Variants in SH3TC1 observed in about 807,000 individuals in gnomAD.
SH3TC1 encodes SH3 domain and tetratricopeptide repeat-containing protein 1.
Under a neutral mutation model 117.3 loss-of-function variants are expected in SH3TC1, and 135 were observed. That is an observed-to-expected ratio of 1.15 (90% CI 1.00 to 1.33). The LOEUF is 1.33. Among genes scored for constraint, SH3TC1 ranks in the 40% most tolerant of loss-of-function variants. The pLI, the probability that SH3TC1 is intolerant of heterozygous loss-of-function variation, is 0.00. For synonymous variants in SH3TC1, 898 were observed against 816.9 expected (o/e 1.10, Z -1.69); for missense variants, 2,092 against 1,794.3 (o/e 1.17, Z -3.00).
At chr4:8,218,115 CATGT>C (rs1330915030) in intron 7 of SH3TC1, 152 bp from the exon 8 acceptor site, 286 of 483,048 alleles carry the variant, frequency 5.9e-4, no homozygotes, top group South Asian at 9.9e-4. Flanking sequence ...CCTGGGCAGG[CATGT>C]GTGTGTGTGT....
chr4:8,187,800 T>C (rs562152914), intron 1 of SH3TC1, among the ~76,000 whole-genome samples: 4 of 152,142 alleles, frequency 2.6e-5, no homozygotes, highest in South Asian at 4.1e-4. Context: ...TCCACTTGTC[T>C]CCGCCTCCCA....
In SH3TC1 at chr4:8,236,411, C is replaced by G; in HGVS notation, c.3539C>G (p.Ala1180Gly). ...TTGGAGTTTGCCCACATGGCCCTAG[C>G]ACTCAGCATCACCCTGGGTAAGCCC... The part of the protein sequence containing the change: ...EGLEFAHMAL[A>G]LSITLGDRLN... The change falls in exon 16 of 18, where the codon GCA becomes GGA. Residue 1180 changes from alanine (A) to glycine (G), a missense_variant. Coordinates refer to ENST00000245105, the MANE Select transcript of SH3TC1 (RefSeq NM_018986.5). 1.3e-6 allele frequency: 2 copies of G among 1,500,650 alleles called. No individual in the cohort carries two copies. Among genetic ancestry groups the G allele is most frequent in the South Asian group, 2.6e-5 (2 of 77,726 alleles). 93.0% of individuals were successfully genotyped at this position (1,500,650 alleles called of 1,614,324 possible).
At position 8,186,282 on chromosome 4, in the gene SH3TC1, A is replaced by G. The variant is rs1717220833; in HGVS notation, c.-57+4072A>G. On this transcript the variant is annotated intron_variant, in intron 1 of 16. Transcript: ENST00000508641. The surrounding 1 kb of genome is among the most constrained non-coding windows in gnomAD (Gnocchi z 5.2). ...TCAGACAAACCCCAGTGCAAGCACA[A>G]TCACAAAGATACCTGCCAGTTCTCC... is the stretch of plus-strand genomic sequence containing the variant. 6.6e-6 allele frequency among the ~76,000 whole-genome samples: 1 copy of G among 152,238 alleles called. No individual in the cohort carries two copies. The highest frequency in any genetic ancestry group is 2.4e-5 in the African/African-American group (1 of 41,462).
In SH3TC1 at chr4:8,222,963, C is replaced by T. The variant is rs144259919; in HGVS notation, c.1236C>T (p.Tyr412=). The T allele has an allele frequency of 2.3e-4, 370 of 1,611,770 alleles. 1 individual carries two copies. The Middle Eastern group carries it at 4.8e-3, about 21-fold the overall frequency. The part of the protein sequence containing the change: ...RMSGTDVCSV[Y]SLDSVEEAET... ...CGGGCACCGATGTCTGCAGCGTGTACAGCCTGGGTGCGTGTGGGCGATGCC... is the reference window on the plus strand; with the variant it reads ...CGGGCACCGATGTCTGCAGCGTGTATAGCCTGGGTGCGTGTGGGCGATGCC... The change falls in exon 10 of 18, where the codon TAC becomes TAT. Residue 412 remains tyrosine (Y), a synonymous_variant. Transcript: ENST00000245105.
In SH3TC1 at chr4:8,227,750, C is replaced by A; in HGVS notation, c.2056C>A (p.Pro686Thr). ...VHLKQPEEAL[P>T]FLERLLLLHR... ...CCTCAAGCAGCCCGAGGAGGCCCTG[C>A]CCTTCCTAGAGCGGCTGCTGCTTTT... The change falls in exon 12 of 18, where the codon CCC becomes ACC. Residue 686 changes from proline to threonine, a missense_variant. Transcript: ENST00000245105. 1.9e-6 allele frequency: 3 copies of A among 1,609,966 alleles called. No homozygotes were observed. The highest frequency in any genetic ancestry group is 2.5e-6 in the Non-Finnish European group (3 of 1,178,180).
intron 14 of SH3TC1, 128 bp downstream of exon 14, chr4:8,233,641 T>C (rs935127351): frequency 2.6e-6 from 3 of 1,158,164 alleles, no homozygotes; most frequent in East Asian, 5.9e-5. Flanking sequence ...CTTCCTTCCA[T>C]CCATCCATCC....
chr4:8,216,890 G>C (rs1377716403), intron 6 of SH3TC1, 67 bp from the exon 7 acceptor site: 6 of 1,530,938 alleles, frequency 3.9e-6, no homozygotes, highest in East Asian at 4.5e-5. Context: ...CGGCAGGGGT[G>C]TGGGGGGCAG....
At chr4:8,223,054 T>A (rs541379337) in intron 10 of SH3TC1, 84 bp downstream of exon 10, 2 of 1,515,748 alleles carry the variant, frequency 1.3e-6, no homozygotes. Context: ...CATCCACAGA[T>A]AGTGCCAGCC....
In SH3TC1 at chr4:8,209,557, T is replaced by C; in HGVS notation, c.173-191T>C. ...TGTGGGGCAGCTTGTCACAGCATGC[T>C]GGGAAGTGCAGGCAGCTTCCCTCCT... On this transcript the variant is annotated intron_variant, in intron 2 of 17. Coordinates refer to ENST00000245105, the MANE Select transcript of SH3TC1 (RefSeq NM_018986.5). This position sits in a 1 kb window ranked among gnomAD's most constrained non-coding sequence, Gnocchi z 5.9. The C allele has an allele frequency of 7.6e-7, 1 of 1,314,794 alleles. No homozygotes were observed. The highest frequency in any genetic ancestry group is 1.1e-6 in the Non-Finnish European group (1 of 951,228). 81.4% of individuals were successfully genotyped at this position (1,314,794 alleles called of 1,614,324 possible). A position where few individuals can be genotyped will look rare whatever the true frequency, so the allele number is the denominator to read the frequency against.
intron 1 of SH3TC1, among the ~76,000 whole-genome samples, chr4:8,193,293 G>A (rs1717470964): frequency 6.6e-6 from 1 of 152,122 alleles, no homozygotes. Flanking sequence ...CCTGGCCTCC[G>A]CATTCCTGAG....
intron 1 of SH3TC1, among the ~76,000 whole-genome samples, chr4:8,188,476 A>C (rs1414524737): frequency 1.3e-5 from 2 of 152,200 alleles, no homozygotes; most frequent in African/African-American, 2.4e-5. Flanking sequence ...CAGGGCCGTA[A>C]AGCAGCTCCC....
chr4:8,223,594 G>C (rs1390147703), intron 10 of SH3TC1, among the ~76,000 whole-genome samples: 1 of 152,134 alleles, frequency 6.6e-6, no homozygotes, highest in Non-Finnish European at 1.5e-5. Flanking sequence ...GCTATCTGCT[G>C]GGTGTAGATA....
rs1720358203 is a variant in SH3TC1 at position 8,225,299 on chromosome 4, A to T, written c.1285+83A>T. 2 of 1,483,380 alleles carry T rather than the reference A, an allele frequency of 1.3e-6. No individual in the cohort carries two copies. The highest frequency in any genetic ancestry group is 1.9e-5 in the Admixed American group (1 of 51,862). 91.9% of individuals were successfully genotyped at this position (1,483,380 alleles called of 1,614,324 possible). A position where few individuals can be genotyped will look rare whatever the true frequency, so the allele number is the denominator to read the frequency against. On this transcript the variant is annotated intron_variant, in intron 11 of 17. Transcript: ENST00000245105. The surrounding 1 kb of genome is among the most constrained non-coding windows in gnomAD (Gnocchi z 5.5). ...GCTGGGGGAGGTGACAAAGCTGAGC[A>T]CGGTGGGCATTGGGTGCGGCTGTCA...
intron 17 of SH3TC1, among the ~76,000 whole-genome samples, chr4:8,239,380 G>GGCACAGGCCCCATGTAC (rs1560120723): frequency 6.9e-6 from 1 of 144,776 alleles, no homozygotes; most frequent in Admixed American, 6.9e-5. Flanking sequence ...CGCACACACA[G>GGCACAGGCCCCATGTAC]GCACAGGCCC....
chr4:8,237,393 G>A, intron 16 of SH3TC1, 81 bp from the exon 17 acceptor site: 1 of 1,254,024 alleles, frequency 8.0e-7, no homozygotes, highest in South Asian at 1.7e-5. Context: ...GTGCCTGGAG[G>A]CGAGCCAGGT....
chr4:8,215,730 A>G (rs1719198060), intron 5 of SH3TC1, among the ~76,000 whole-genome samples: 2 of 152,080 alleles, frequency 1.3e-5, no homozygotes, highest in African/African-American at 4.8e-5. Flanking sequence ...ATACCAGCTC[A>G]TGATGCGGGG....
Position 8,228,228 on chromosome 4 carries a change from T to C in SH3TC1, c.2534T>C (p.Leu845Pro), listed in dbSNP as rs1469264349. 1 of 1,609,512 alleles carries C rather than the reference T, an allele frequency of 6.2e-7. No homozygotes were observed. Among genetic ancestry groups the C allele is most frequent in the Non-Finnish European group, 8.5e-7 (1 of 1,177,624 alleles). Reference sequence around the variant, plus strand: ...CTTCATGGGCAGAGCCCGGTGGCCCTGGACATCCTGCAGTCTGTCCGGGAT... The same window carrying C: ...CTTCATGGGCAGAGCCCGGTGGCCCCGGACATCCTGCAGTCTGTCCGGGAT... ...HVLHGQSPVALDILQSVRDAV... is the reference protein window; with the variant it reads ...HVLHGQSPVAPDILQSVRDAV... Residue 845 changes from leucine to proline, a missense_variant, in exon 12 of 18, where the codon CTG becomes CCG. Leu to Pro is a moderately conservative substitution (Grantham distance 98). Coordinates refer to ENST00000245105, the MANE Select transcript of SH3TC1 (RefSeq NM_018986.5).
rs188248760 is a variant in SH3TC1, at chr4:8,182,831, A to T, written c.-57+621A>T. 2.0e-5 allele frequency among the ~76,000 whole-genome samples: 3 copies of T among 152,272 alleles called. No homozygotes were observed. The East Asian group carries it at 5.8e-4, about 29-fold the overall frequency. Reference sequence around the variant, plus strand: ...CCTGCCCTCCTGCTACACCAGTGCCAGGGGTCTCAGAGGGGTTCCAGTGGC... The same window carrying T: ...CCTGCCCTCCTGCTACACCAGTGCCTGGGGTCTCAGAGGGGTTCCAGTGGC... On this transcript the variant is annotated intron_variant, in intron 1 of 16. Transcript: ENST00000508641.
At chr4:8,214,617 C>T (rs368329845) in intron 5 of SH3TC1, 37 bp downstream of exon 5, 58 of 1,550,516 alleles carry the variant, frequency 3.7e-5, no homozygotes, top group African/African-American at 2.4e-4. Context: ...GTCATGGGGA[C>T]GCCCGTCGGA....
Sources: allele counts gnomAD v4.1 joint callset (sites outside exome capture counted in the v4.1 genomes callset), GRCh38; gene constraint gnomAD v4.1.1; non-coding constraint Gnocchi (gnomAD v3.1); transcripts MANE v1.5; gene names NCBI Gene and HGNC (gene_info 2026-07-23, HGNC 2026-07-21).